Variants in MASP1 observed in about 807,000 individuals in gnomAD.
The protein encoded by MASP1 is MBL associated serine protease 1.
Under a neutral mutation model 77.1 loss-of-function variants are expected in MASP1, and 59 were observed. The observed-to-expected ratio is 0.77, with a 90% CI of 0.62 to 0.95. The LOEUF is 0.95. Ranked by LOEUF, MASP1 falls within the 40% of genes least tolerant of loss-of-function variation. MASP1 has a pLI of 0.00. For missense variants in MASP1, 885 were observed against 912.9 expected (o/e 0.97, Z 0.39); for synonymous variants, 362 against 354.5 (o/e 1.02, Z -0.24).
intron 1 of MASP1, 29 bp from the exon 2 acceptor site, chr3:187,286,085 C>T: frequency 6.5e-7 from 1 of 1,540,678 alleles, no homozygotes; most frequent in African/African-American, 1.4e-5. Context: ...GGTCTACTTA[C>T]ATTTATAAAC....
At chr3:187,232,234 C>G (rs1392367761), downstream of MASP1, among the ~76,000 whole-genome samples, 2 of 151,732 alleles carry the variant, frequency 1.3e-5, no homozygotes, top group African/African-American at 4.9e-5. Context: ...CTTCCCCCCC[C>G]CCCCTTTTTT....
downstream of MASP1, chr3:187,229,922 G>C (rs202043042): frequency 1.2e-4 from 190 of 1,613,718 alleles, no homozygotes; most frequent in African/African-American, 2.2e-3. Context: ...GGGAGGGAGA[G>C]ACAGATCAGA....
downstream of MASP1, among the ~76,000 whole-genome samples, chr3:187,233,080 G>T (rs1452704278): frequency 6.6e-6 from 1 of 152,088 alleles, no homozygotes; most frequent in Non-Finnish European, 1.5e-5. Context: ...CAGCCCTATG[G>T]GTGGTGGGTC....
chr3:187,253,400 G>A, intron 5 of MASP1, 85 bp from the exon 6 acceptor site: 3 of 1,389,616 alleles, frequency 2.2e-6, no homozygotes, highest in Non-Finnish European at 2.0e-6. Context: ...CCTCTCCACT[G>A]CACTCTGGGT....
chr3:187,274,133 G>A (rs565864814), intron 2 of MASP1, among the ~76,000 whole-genome samples: 105 of 152,052 alleles, frequency 6.9e-4, no homozygotes, highest in Non-Finnish European at 1.2e-3. Context: ...GCTTGAACCC[G>A]GGAGGTAGAG....
chr3:187,276,696 C>G (rs118164443), intron 2 of MASP1: 2 of 152,362 alleles, frequency 1.3e-5, no homozygotes, highest in East Asian at 3.9e-4. Context: ...ATTACACTTT[C>G]CTGAAGCAAG....
chr3:187,234,781 C>G lies in MASP1; in HGVS notation c.*903G>C. The G allele has an allele frequency of 7.8e-7, 1 of 1,287,228 alleles. No homozygotes were observed. Among genetic ancestry groups the G allele is most frequent in the Non-Finnish European group, 1.0e-6 (1 of 988,704 alleles). The allele number at this position is 1,287,228 out of a possible 1,614,324, so 79.7% of individuals were successfully genotyped here. A position where few individuals can be genotyped will look rare whatever the true frequency, so the allele number is the denominator to read the frequency against. ...TGGGTCTTTTCTTTTTCCAGGTAAT[C>G]GACTAAGTCCCCATATTCGGGCCTG... On this transcript the variant is annotated 3_prime_UTR_variant, in exon 11 of 11. Transcript: ENST00000296280.
At chr3:187,274,560 C>A (rs1396389574) in intron 2 of MASP1, among the ~76,000 whole-genome samples, 1 of 152,218 alleles carries the variant, frequency 6.6e-6, no homozygotes, top group Non-Finnish European at 1.5e-5. Flanking sequence ...CAGACTTGTT[C>A]AAAGTCAGTC....
In MASP1 at chr3:187,289,699, C is replaced by T. The variant is rs181329939; in HGVS notation, c.5+1929G>A. The stretch of plus-strand genomic sequence containing the variant: ...CCGACGTACAGTCAGAATTATGAGC[C>T]GTCAGTTTAGAATAATACACTTGGC... On this transcript the variant is annotated intron_variant, in intron 1 of 10. Coordinates refer to ENST00000296280, the MANE Select transcript of MASP1 (RefSeq NM_139125.4). 8.5e-5 allele frequency among the ~76,000 whole-genome samples: 13 copies of T among 152,194 alleles called. No individual in the cohort carries two copies. In the East Asian group the frequency reaches 1.2e-3, roughly 14 times the overall value.
chr3:187,249,161 A>G (rs1714351488), intron 8 of MASP1, among the ~76,000 whole-genome samples: 1 of 152,130 alleles, frequency 6.6e-6, no homozygotes, highest in Admixed American at 6.5e-5. Context: ...GGGTTCCAGC[A>G]ATTCTCCCGC....
chr3:187,257,342 T>C (rs1273949518), intron 4 of MASP1, among the ~76,000 whole-genome samples: 1 of 152,170 alleles, frequency 6.6e-6, no homozygotes, highest in African/African-American at 2.4e-5. Flanking sequence ...CAACTAAATG[T>C]AGCCTTAAGC....
chr3:187,283,796 C>A (rs960799680), intron 2 of MASP1, among the ~76,000 whole-genome samples: 1 of 152,170 alleles, frequency 6.6e-6, no homozygotes, highest in African/African-American at 2.4e-5. Context: ...CCGGTTAAGA[C>A]AACTCTCCAA....
chr3:187,279,061 G>A (rs554016832), intron 2 of MASP1, among the ~76,000 whole-genome samples: 1 of 152,060 alleles, frequency 6.6e-6, no homozygotes, highest in South Asian at 2.1e-4. Context: ...ACATAAATGA[G>A]TGAAACAAGC....
intron 2 of MASP1, among the ~76,000 whole-genome samples, chr3:187,279,749 C>T (rs887915356): frequency 1.3e-5 from 2 of 152,172 alleles, no homozygotes; most frequent in Non-Finnish European, 2.9e-5. Context: ...GAGAACTGCA[C>T]TGCCAAATTA....
In MASP1 at chr3:187,234,809, C is replaced by A. The variant is rs1478976477; in HGVS notation, c.*875G>T. 2 of 1,287,136 alleles carry A rather than the reference C, an allele frequency of 1.6e-6. No individual in the cohort carries two copies. The highest frequency in any genetic ancestry group is 2.3e-5 in the Admixed American group (1 of 43,540). 79.7% of individuals were successfully genotyped at this position (1,287,136 alleles called of 1,614,324 possible). ...CTAAGTCCCCATATTCGGGCCTGGG[C>A]TTCAGGTAGCCTTTCAGATAATACA... On this transcript the variant is annotated 3_prime_UTR_variant, in exon 11 of 11. Coordinates refer to ENST00000296280, the MANE Select transcript of MASP1 (RefSeq NM_139125.4).
exon 16 of MASP1, chr3:187,218,062 G>A (rs554686171): frequency 9.2e-5 from 14 of 152,144 alleles, no homozygotes; most frequent in Non-Finnish European, 1.6e-4. Context: ...GGCCTCCTCC[G>A]TCTTACCTGT....
intron 14 of MASP1, among the ~76,000 whole-genome samples, chr3:187,221,480 G>C (rs1463180155): frequency 1.3e-5 from 2 of 152,122 alleles, no homozygotes; most frequent in Non-Finnish European, 2.9e-5. Context: ...AATGAAGTTT[G>C]GTTTTCTTTT....
chr3:187,276,370 T>C (rs753679014), intron 2 of MASP1, among the ~76,000 whole-genome samples: 1 of 152,284 alleles, frequency 6.6e-6, no homozygotes, highest in Non-Finnish European at 1.5e-5. Flanking sequence ...TTCTAATTAC[T>C]GCTGTACCCT....
At chr3:187,253,390 C>G in intron 5 of MASP1, 75 bp from the exon 6 acceptor site, 1 of 1,464,174 alleles carries the variant, frequency 6.8e-7, no homozygotes, top group South Asian at 1.1e-5. Flanking sequence ...GCAGGTAACA[C>G]CTCTCCACTG....
Sources: gnomAD v4.1 joint callset for allele counts (sites outside exome capture counted in the v4.1 genomes callset) on GRCh38, gnomAD v4.1.1 for gene constraint, MANE v1.5 for transcripts, NCBI Gene and HGNC (gene_info 2026-07-23, HGNC 2026-07-21) for gene names.